The following GPR107 variants were observed in gnomAD, a reference collection of about 807,000 sequenced individuals.
GPR107 encodes the protein protein GPR107.
In GPR107, 31 loss-of-function variants were observed where a neutral mutation model predicts 75.5. The ratio of observed to expected loss-of-function variants is 0.41; its 90% CI spans 0.31 to 0.55. The LOEUF (loss-of-function observed/expected upper bound fraction) is 0.55, where lower values mean the gene tolerates loss of function less well. Among genes scored for constraint, GPR107 ranks in the 20% least tolerant of loss-of-function variants. The pLI, the probability that GPR107 is intolerant of heterozygous loss-of-function variation, is 0.26. For synonymous variants in GPR107, 267 were observed against 251.3 expected, an observed-to-expected ratio of 1.06 and a Z score of -0.59; for missense variants, 572 against 665.7, an observed-to-expected ratio of 0.86 and a Z score of 1.55.
At chr9:130,082,524 G>T (rs1320360461) in intron 5 of GPR107, among the ~76,000 whole-genome samples, 1 of 148,828 alleles carries the variant, frequency 6.7e-6, no homozygotes, top group East Asian at 1.9e-4. Context: ...CTGTCTCCCA[G>T]GCTGGAGTGC....
rs1294649535 is a variant in GPR107 at position 130,136,186 on chromosome 9, AAGTG to A, written c.*1068_*1071del. 1.3e-5 allele frequency: 2 copies of A among 152,264 alleles called. No homozygotes were observed. Among genetic ancestry groups the A allele is most frequent in the Admixed American group, 1.3e-4 (2 of 15,286 alleles). 9.4% of individuals were successfully genotyped at this position (152,264 alleles called of 1,614,324 possible). A position where few individuals can be genotyped will look rare whatever the true frequency, so the allele number is the denominator to read the frequency against. ...TAGTCCAAGAGTATGTATGTGAAGA[AAGTG>A]AGCATGATTCAACAGTTTCACTCTC... On this transcript the variant is annotated 3_prime_UTR_variant, in exon 18 of 18. Coordinates refer to ENST00000347136, the MANE Select transcript of GPR107 (RefSeq NM_020960.5).
At chr9:130,111,180 T>C (rs1189960873) in intron 14 of GPR107, among the ~76,000 whole-genome samples, 3 of 151,978 alleles carry the variant, frequency 2.0e-5, no homozygotes, top group Non-Finnish European at 2.9e-5. Flanking sequence ...GAATCTCACT[T>C]TTAGGCCAGG....
chr9:130,067,802 T>C (rs979599916), intron 1 of GPR107, among the ~76,000 whole-genome samples: 6 of 116,096 alleles, frequency 5.2e-5, no homozygotes, highest in African/African-American at 6.6e-5. Context: ...TGGAGTGCAG[T>C]GGTCTAATCT....
chr9:130,118,949 T>C (rs1831487901), intron 14 of GPR107, among the ~76,000 whole-genome samples: 2 of 152,198 alleles, frequency 1.3e-5, no homozygotes, highest in African/African-American at 4.8e-5. Context: ...CTTGTCTCTC[T>C]CCCCACACTC....
intron 5 of GPR107, among the ~76,000 whole-genome samples, chr9:130,082,702 A>G (rs1589497710): frequency 6.6e-6 from 1 of 151,968 alleles, no homozygotes; most frequent in Admixed American, 6.6e-5. Flanking sequence ...GATGGTCTCA[A>G]TCTCCTGACC....
intron 15 of GPR107, among the ~76,000 whole-genome samples, chr9:130,126,875 GATA>G (rs948033755): frequency 2.0e-5 from 3 of 152,130 alleles, no homozygotes; most frequent in Non-Finnish European, 4.4e-5. Flanking sequence ...TGCATGCAGT[GATA>G]ATGAGTGGTC....
At chr9:130,077,166 G>T (rs1386458110) in intron 3 of GPR107, 133 bp from the exon 4 acceptor site, 2 of 633,228 alleles carry the variant, frequency 3.2e-6, no homozygotes, top group African/African-American at 3.6e-5. Context: ...GATTACAGGC[G>T]TGAGCCACCA....
In GPR107 at chr9:130,105,005, G is replaced by A. The variant is rs569167884; in HGVS notation, c.1262+455G>A. On this transcript the variant is annotated intron_variant, in intron 13 of 17. Coordinates refer to ENST00000347136, the MANE Select transcript of GPR107 (RefSeq NM_020960.5). ...TTCAGAATGGATTGCTCCATTCCTGGAAATGGCAGTGTTTAGATGCACAGA... is the reference window on the plus strand; with the variant it reads ...TTCAGAATGGATTGCTCCATTCCTGAAAATGGCAGTGTTTAGATGCACAGA... Among the ~76,000 whole-genome samples, 319 of 152,330 alleles carry A rather than the reference G, an allele frequency of 2.1e-3. 1 individual carries two copies. The highest frequency in any genetic ancestry group is 3.6e-3 in the Non-Finnish European group (247 of 68,030).
chr9:130,106,302 TTAA>T lies in GPR107; in HGVS notation c.1263-1188_1263-1186del, dbSNP rs1453533971. ...TAAGTACTGGAGAGGTGATTCAAGA[TTAA>T]TAATATTTTTAGGCTGGGCGCGGTG... On this transcript the variant is annotated intron_variant, in intron 13 of 17. Coordinates refer to ENST00000347136, the MANE Select transcript of GPR107 (RefSeq NM_020960.5). Among the ~76,000 whole-genome samples, 4 of 152,124 alleles carry T rather than the reference TTAA, an allele frequency of 2.6e-5. No homozygotes were observed. In the South Asian group the frequency reaches 6.2e-4, roughly 24 times the overall value.
rs1195611727 is a variant in GPR107, at chr9:130,104,471, A to G, written c.1183A>G (p.Thr395Ala). 1 of 1,613,140 alleles carries G rather than the reference A, an allele frequency of 6.2e-7. No homozygotes were observed. ...CATAGAGTCCACCGAGGAGGGCACGACTGAATATGGCTTGTGGAAGGACTC... is the reference window on the plus strand; with the variant it reads ...CATAGAGTCCACCGAGGAGGGCACGGCTGAATATGGCTTGTGGAAGGACTC... ...IIIESTEEGTTEYGLWKDSLF... is the reference protein window; with the variant it reads ...IIIESTEEGTAEYGLWKDSLF... The change falls in exon 13 of 18, where the codon ACT becomes GCT. Residue 395 changes from threonine (T) to alanine (A), a missense_variant. Physicochemically the swap from Thr to Ala is moderately conservative, Grantham distance 58. Coordinates refer to ENST00000347136, the MANE Select transcript of GPR107 (RefSeq NM_020960.5).
chr9:130,104,401 C>T lies in GPR107; in HGVS notation c.1132-19C>T. On this transcript the variant is annotated intron_variant, in intron 12 of 17. Transcript: ENST00000347136. ...GTCCACCCATGCTTTGGGGCCTCAG[C>T]AACTTCTCATGTCTGTAGGTCCTGG... The T allele has an allele frequency of 6.2e-7, 1 of 1,612,714 alleles. No individual in the cohort carries two copies. The highest frequency in any genetic ancestry group is 8.5e-7 in the Non-Finnish European group (1 of 1,178,932).
At position 130,114,201 on chromosome 9, in the gene GPR107, T is replaced by TCTAC. The variant is rs746982079; in HGVS notation, c.1306+6663_1306+6666dup. 6.6e-5 allele frequency among the ~76,000 whole-genome samples: 10 copies of TCTAC among 151,446 alleles called. 1 individual carries two copies. The East Asian group carries it at 1.6e-3, about 24-fold the overall frequency. On this transcript the variant is annotated intron_variant, in intron 14 of 17. Coordinates refer to ENST00000347136, the MANE Select transcript of GPR107 (RefSeq NM_020960.5). The stretch of plus-strand genomic sequence containing the variant: ...CTGGCCAACATGGTAAAACCCTGTC[T>TCTAC]CTACTAAAAATACAAAAATTAGCTG...
At chr9:130,097,222 T>C (rs1324741898) in intron 9 of GPR107, among the ~76,000 whole-genome samples, 2 of 148,436 alleles carry the variant, frequency 1.3e-5, no homozygotes, top group African/African-American at 4.9e-5. Context: ...TGGCACCATC[T>C]TGGCTCATTG....
intron 15 of GPR107, among the ~76,000 whole-genome samples, chr9:130,125,365 G>A (rs1283867059): frequency 2.0e-5 from 3 of 150,340 alleles, no homozygotes; most frequent in Non-Finnish European, 4.4e-5. Context: ...TACAGCGTGA[G>A]TCACTGCGCC....
intron 1 of GPR107, among the ~76,000 whole-genome samples, chr9:130,059,733 CTTTTTTTTTTTT>C (rs61429853): frequency 0.015 from 2,138 of 144,348 alleles, 27 homozygotes; most frequent in Non-Finnish European, 0.019. Context: ...GTTAATACGT[CTTTTTTTTTTTT>C]TTTTTTTTTT....
Position 130,108,077 on chromosome 9 carries a change from T to C in GPR107, c.1306+538T>C, listed in dbSNP as rs115755263. On this transcript the variant is annotated intron_variant, in intron 14 of 17. Coordinates refer to ENST00000347136, the MANE Select transcript of GPR107 (RefSeq NM_020960.5). ...TCCTTGACTTTCCAGTCATGCCTCC[T>C]AAATCAGAAGAAAAGCTGCAAAGAA... Among the ~76,000 whole-genome samples, 799 of 152,358 alleles carry C rather than the reference T, an allele frequency of 5.2e-3. 7 individuals are homozygous for C. The highest frequency in any genetic ancestry group is 0.018 in the African/African-American group (763 of 41,576).
At chr9:130,119,174 C>T (rs1162659927) in intron 14 of GPR107, among the ~76,000 whole-genome samples, 1 of 152,208 alleles carries the variant, frequency 6.6e-6, no homozygotes, top group African/African-American at 2.4e-5. Flanking sequence ...CTGCTCACTG[C>T]ATCATGCTGG....
chr9:130,065,144 T>C lies in GPR107; in HGVS notation c.142-10492T>C, dbSNP rs998765924. Among the ~76,000 whole-genome samples the C allele has an allele frequency of 3.9e-5, 6 of 152,278 alleles. No individual in the cohort carries two copies. The South Asian group carries it at 1.0e-3, about 26-fold the overall frequency. On this transcript the variant is annotated intron_variant, in intron 1 of 17. Coordinates refer to ENST00000347136, the MANE Select transcript of GPR107 (RefSeq NM_020960.5). The stretch of plus-strand genomic sequence containing the variant: ...TTTGAGTAATAACTTTCAGAGAACA[T>C]GTTTAGCCATTAAGTGATATTCGCA...
Position 130,112,756 on chromosome 9 carries a change from A to T in GPR107, c.1306+5217A>T, listed in dbSNP as rs898704912. ...TTTATTTTTTTGTTGTTTTTTATTTATTTATTTTTTTGAGACAGGGTCTTG... is the reference window on the plus strand; with the variant it reads ...TTTATTTTTTTGTTGTTTTTTATTTTTTTATTTTTTTGAGACAGGGTCTTG... On this transcript the variant is annotated intron_variant, in intron 14 of 17. Coordinates refer to ENST00000347136, the MANE Select transcript of GPR107 (RefSeq NM_020960.5). The surrounding 1 kb of genome is among the most constrained non-coding windows in gnomAD (Gnocchi z 4.0). Among the ~76,000 whole-genome samples, 1 of 150,960 alleles carries T rather than the reference A, an allele frequency of 6.6e-6. No individual in the cohort carries two copies. The highest frequency in any genetic ancestry group is 1.5e-5 in the Non-Finnish European group (1 of 67,714).
Sources: gnomAD v4.1 joint callset for allele counts (sites outside exome capture counted in the v4.1 genomes callset) on GRCh38, gnomAD v4.1.1 for gene constraint, Gnocchi (gnomAD v3.1) non-coding constraint, MANE v1.5 for transcripts, NCBI Gene and HGNC (gene_info 2026-07-23, HGNC 2026-07-21) for gene names.